The following HFM1 variants were observed in gnomAD, a reference collection of about 807,000 sequenced individuals.
HFM1 encodes helicase for meiosis 1.
In HFM1, 169 loss-of-function variants were observed where a neutral mutation model predicts 192.1. The ratio of observed to expected loss-of-function variants is 0.88; its 90% CI spans 0.78 to 1.00. HFM1 has a LOEUF of 1.00. HFM1 is among the 50% of genes least tolerant of loss of function. The pLI is 0.00. For synonymous variants in HFM1, 525 were observed against 537.8 expected, an observed-to-expected ratio of 0.98 and a Z score of 0.33; for missense variants, 1,661 against 1,668.0, an observed-to-expected ratio of 1.00 and a Z score of 0.07.
chr1:91,346,340 AAT>A (rs1382919120), intron 19 of HFM1, among the ~76,000 whole-genome samples: 18 of 152,316 alleles, frequency 1.2e-4, no homozygotes, highest in Admixed American at 2.6e-4. Context: ...TTATTTTCAA[AAT>A]ATATGTTTAA....
intron 30 of HFM1, among the ~76,000 whole-genome samples, chr1:91,293,414 A>T (rs1027461784): frequency 5.3e-5 from 8 of 152,226 alleles, no homozygotes; most frequent in African/African-American, 1.9e-4. Flanking sequence ...TTCTCAAAAG[A>T]AGACATTTAT....
At chr1:91,375,328 C>T (rs759629361) in intron 13 of HFM1, 30 bp downstream of exon 13, 29 of 1,536,834 alleles carry the variant, frequency 1.9e-5, no homozygotes, top group Non-Finnish European at 2.3e-5. Flanking sequence ...AAAAGTCCTT[C>T]TACTTCCATG....
Position 91,316,100 on chromosome 1 carries a change from C to T in HFM1, c.2982+1G>A. ...ATATCTAAGAAACAGAAAATATTTACCTGTTCCACTTTAAGTTCATATTTT... is the reference window on the plus strand; with the variant it reads ...ATATCTAAGAAACAGAAAATATTTATCTGTTCCACTTTAAGTTCATATTTT... On this transcript the variant is annotated splice_donor_variant, in intron 27 of 38. Coordinates refer to ENST00000370425, the MANE Select transcript of HFM1 (RefSeq NM_001017975.6). LOFTEE classifies it high-confidence loss of function. The T allele has an allele frequency of 4.5e-6, 7 of 1,558,576 alleles. No homozygotes were observed. The highest frequency in any genetic ancestry group is 6.2e-6 in the Non-Finnish European group (7 of 1,134,422).
intron 4 of HFM1, among the ~76,000 whole-genome samples, chr1:91,386,202 C>T (rs1571203214): frequency 6.6e-6 from 1 of 152,136 alleles, no homozygotes; most frequent in Admixed American, 6.5e-5. Flanking sequence ...TAATAAAAGA[C>T]ATTGCCCCTT....
intron 4 of HFM1, among the ~76,000 whole-genome samples, chr1:91,390,760 T>C (rs1662874785): frequency 6.6e-6 from 1 of 152,116 alleles, no homozygotes; most frequent in Non-Finnish European, 1.5e-5. Context: ...GCCAGGGCAA[T>C]CAGGTAGGAG....
intron 20 of HFM1, among the ~76,000 whole-genome samples, chr1:91,342,692 T>C (rs1481964348): frequency 6.6e-6 from 1 of 152,188 alleles, no homozygotes; most frequent in Non-Finnish European, 1.5e-5. Flanking sequence ...TGTTAATACA[T>C]TTTGTTATAT....
At chr1:91,367,002 G>T (rs973687410) in intron 13 of HFM1, among the ~76,000 whole-genome samples, 1 of 152,170 alleles carries the variant, frequency 6.6e-6, no homozygotes. Context: ...ACAGAGCCTC[G>T]CTCATTGCTA....
intron 11 of HFM1, 63 bp from the exon 12 acceptor site, chr1:91,375,790 A>C: frequency 1.5e-6 from 2 of 1,378,254 alleles, no homozygotes; most frequent in Non-Finnish European, 2.1e-6. Context: ...TGCTAAAAAC[A>C]ACCCAATTAC....
chr1:91,375,351 A>G lies in HFM1; in HGVS notation c.1685+7T>C. On this transcript the variant is annotated splice_region_variant and intron_variant, in intron 13 of 38. Transcript: ENST00000370425. ...TTCTACTTCCATGAAAAAATAAAAT[A>G]CTATACCTCTGTTTCTGTTCCACAG... 1.3e-6 allele frequency: 2 copies of G among 1,599,690 alleles called. 1 individual carries two copies. The highest frequency in any genetic ancestry group is 2.2e-5 in the South Asian group (2 of 90,340).
chr1:91,351,549 C>T lies in HFM1; in HGVS notation c.2072G>A (p.Ser691Asn). 1.3e-6 allele frequency: 2 copies of T among 1,515,888 alleles called. No homozygotes were observed. The highest frequency in any genetic ancestry group is 1.8e-6 in the Non-Finnish European group (2 of 1,108,652). The allele number at this position is 1,515,888 out of a possible 1,614,324, so 93.9% of individuals were successfully genotyped here. ...MLACRDTVES[S>N]LHRHLIEHLN... ...TTTTTGGAACTTTTTTTTATACTACCTGCTTTCTACAGTGTCTCTACAAGC... is the reference window on the plus strand; with the variant it reads ...TTTTTGGAACTTTTTTTTATACTACTTGCTTTCTACAGTGTCTCTACAAGC... Residue 691 changes from serine (S) to asparagine (N), a missense_variant and splice_region_variant, in exon 17 of 39, where the codon AGT (serine) becomes AAT (asparagine). Ser to Asn is a conservative substitution (Grantham distance 46). Coordinates refer to ENST00000370425, the MANE Select transcript of HFM1 (RefSeq NM_001017975.6).
intron 20 of HFM1, chr1:91,328,531 G>A (rs1653283176): frequency 6.2e-7 from 1 of 1,613,104 alleles, no homozygotes; most frequent in Non-Finnish European, 8.5e-7. Flanking sequence ...CCAGGGTGGG[G>A]ATGTGCTGCA....
intron 30 of HFM1, among the ~76,000 whole-genome samples, chr1:91,292,948 G>A (rs1371154127): frequency 1.3e-5 from 2 of 152,100 alleles, no homozygotes; most frequent in African/African-American, 4.8e-5. Flanking sequence ...AACAGGAAAT[G>A]GGGAAAGGAT....
chr1:91,311,376 A>G (rs1398019605), intron 30 of HFM1, among the ~76,000 whole-genome samples: 2 of 152,212 alleles, frequency 1.3e-5, no homozygotes, highest in African/African-American at 4.8e-5. Flanking sequence ...AATTTATCCC[A>G]GCACTTCGGG....
intron 30 of HFM1, among the ~76,000 whole-genome samples, chr1:91,295,575 T>C (rs986112034): frequency 2.6e-5 from 4 of 152,318 alleles, no homozygotes; most frequent in African/African-American, 7.2e-5. Flanking sequence ...TCTCCAAATA[T>C]AGTCGCATTC....
At chr1:91,363,152 AC>A (rs1228553520) in intron 13 of HFM1, among the ~76,000 whole-genome samples, 2 of 152,138 alleles carry the variant, frequency 1.3e-5, no homozygotes, top group Admixed American at 1.3e-4. Context: ...AAAAGCAATT[AC>A]AACAAAAGCA....
At chr1:91,262,079 C>CT (rs1265998270) in intron 38 of HFM1, 162 bp downstream of exon 38, 1 of 412,016 alleles carries the variant, frequency 2.4e-6, no homozygotes, top group African/African-American at 2.1e-5. Flanking sequence ...TTTGAAACAT[C>CT]TTAAAGAGCT....
chr1:91,290,496 G>T (rs985496527), intron 30 of HFM1, among the ~76,000 whole-genome samples: 1 of 152,150 alleles, frequency 6.6e-6, no homozygotes, highest in Non-Finnish European at 1.5e-5. Context: ...AACAAGAAGA[G>T]CTAACTATCC....
rs899400541 is a variant in HFM1, at chr1:91,375,713, A to C, written c.1410T>G (p.Leu470=). Residue 470 remains leucine, a synonymous_variant, in exon 12 of 39, where the codon CTT becomes CTG. Coordinates refer to ENST00000370425, the MANE Select transcript of HFM1 (RefSeq NM_001017975.6). ...IPNAEDIAEW[L]SDGERPAVCL... Reference sequence around the variant, plus strand: ...ACACAGCTGGTCTTTCACCATCTGAAAGCCATTCTGCAATCTTTGAAACAC... The same window carrying C: ...ACACAGCTGGTCTTTCACCATCTGACAGCCATTCTGCAATCTTTGAAACAC... 16 of 1,612,796 alleles carry C rather than the reference A, an allele frequency of 9.9e-6. No homozygotes were observed. In the Admixed American group the frequency reaches 1.0e-4, roughly 10 times the overall value.
At chr1:91,335,068 C>T (rs1002033542) in intron 20 of HFM1, among the ~76,000 whole-genome samples, 1 of 152,074 alleles carries the variant, frequency 6.6e-6, no homozygotes, top group African/African-American at 2.4e-5. Flanking sequence ...CTAACATTTA[C>T]GTATGTGCTA....
Sources: gnomAD v4.1 joint callset for allele counts (sites outside exome capture counted in the v4.1 genomes callset) on GRCh38, gnomAD v4.1.1 for gene constraint, MANE v1.5 for transcripts, NCBI Gene and HGNC (gene_info 2026-07-23, HGNC 2026-07-21) for gene names.